ST6GALNAC5: variants seen among roughly 807,000 people sequenced by gnomAD.
The protein encoded by ST6GALNAC5 is ST6 N-acetylgalactosaminide alpha-2,6-sialyltransferase 5, also known as alpha-N-acetylgalactosaminide alpha-2,6-sialyltransferase 5.
A neutral mutation model predicts 33.6 loss-of-function variants in ST6GALNAC5; 27 were observed. The ratio of observed to expected loss-of-function variants is 0.80; its 90% confidence interval spans 0.59 to 1.11. ST6GALNAC5 has a LOEUF of 1.11. ST6GALNAC5 is among the 50% of genes least tolerant of loss of function. The pLI is 0.00. For synonymous variants in ST6GALNAC5, 194 were observed against 171.2 expected, an observed-to-expected ratio of 1.13 and a Z score of -1.04; for missense variants, 428 against 454.0, an observed-to-expected ratio of 0.94 and a Z score of 0.52.
intron 2 of ST6GALNAC5, among the ~76,000 whole-genome samples, chr1:76,891,138 CTT>C (rs1654004268): frequency 6.6e-6 from 1 of 152,160 alleles, no homozygotes; most frequent in African/African-American, 2.4e-5. Context: ...TAACCTGAGT[CTT>C]AGCCTTTTAA....
At chr1:76,891,696 G>A (rs536774426) in intron 2 of ST6GALNAC5, among the ~76,000 whole-genome samples, 119 of 152,184 alleles carry the variant, frequency 7.8e-4, no homozygotes, top group Non-Finnish European at 1.5e-3. Flanking sequence ...TTTCTTCTAA[G>A]AGTTTTGTAG....
At chr1:76,907,281 T>G (rs930087352) in intron 2 of ST6GALNAC5, among the ~76,000 whole-genome samples, 9 of 152,122 alleles carry the variant, frequency 5.9e-5, no homozygotes, top group African/African-American at 1.9e-4. Context: ...TTCTATATAC[T>G]CTGATCTTGA....
intron 2 of ST6GALNAC5, among the ~76,000 whole-genome samples, chr1:76,972,638 T>C (rs1648809500): frequency 6.6e-6 from 1 of 152,326 alleles, no homozygotes; most frequent in Non-Finnish European, 1.5e-5. Flanking sequence ...ACAAACATAA[T>C]ACAGATGTCA....
intron 2 of ST6GALNAC5, among the ~76,000 whole-genome samples, chr1:76,931,005 G>A (rs935412029): frequency 6.6e-6 from 1 of 152,100 alleles, no homozygotes; most frequent in African/African-American, 2.4e-5. Context: ...TGGCAAAGGG[G>A]ATGGAATATT....
chr1:76,917,156 C>T (rs1646984267), intron 2 of ST6GALNAC5, among the ~76,000 whole-genome samples: 1 of 152,098 alleles, frequency 6.6e-6, no homozygotes. Context: ...CTGCTTTGAA[C>T]CAAGTTTTTA....
chr1:76,994,022 T>G (rs1649834114), intron 2 of ST6GALNAC5, among the ~76,000 whole-genome samples: 1 of 152,214 alleles, frequency 6.6e-6, no homozygotes, highest in Non-Finnish European at 1.5e-5. Flanking sequence ...ACACACACTG[T>G]GAAATATCCA....
At chr1:77,009,395 T>C (rs1043958049) in intron 2 of ST6GALNAC5, among the ~76,000 whole-genome samples, 3 of 152,276 alleles carry the variant, frequency 2.0e-5, no homozygotes, top group African/African-American at 7.2e-5. Flanking sequence ...GTAAGTTGTA[T>C]AATTTCACTA....
At chr1:76,911,048 C>T (rs987124606) in intron 2 of ST6GALNAC5, among the ~76,000 whole-genome samples, 6 of 152,016 alleles carry the variant, frequency 3.9e-5, no homozygotes, top group Admixed American at 1.3e-4. Context: ...TGTTAGAAGA[C>T]AGAACATACA....
At chr1:76,960,269 G>A (rs2100348919) in intron 2 of ST6GALNAC5, among the ~76,000 whole-genome samples, 1 of 152,184 alleles carries the variant, frequency 6.6e-6, no homozygotes, top group East Asian at 1.9e-4. Context: ...ATGTCAGCAG[G>A]TTCCGTGATG....
intron 2 of ST6GALNAC5, among the ~76,000 whole-genome samples, chr1:77,030,859 AG>A (rs1651425650): frequency 6.6e-6 from 1 of 152,214 alleles, no homozygotes; most frequent in South Asian, 2.1e-4. Context: ...TTGAAGGAGC[AG>A]GGGGCCTCCA....
chr1:77,021,459 A>C (rs1570105904), intron 2 of ST6GALNAC5, among the ~76,000 whole-genome samples: 1 of 152,084 alleles, frequency 6.6e-6, no homozygotes, highest in African/African-American at 2.4e-5. Flanking sequence ...ACTTCATTAT[A>C]TTTTGTTGCC....
intron 2 of ST6GALNAC5, among the ~76,000 whole-genome samples, chr1:76,948,181 T>C (rs1031791205): frequency 6.6e-6 from 1 of 151,996 alleles, no homozygotes; most frequent in Admixed American, 6.6e-5. Flanking sequence ...AAGGGCCAGG[T>C]TTAGAAGTGC....
intron 2 of ST6GALNAC5, among the ~76,000 whole-genome samples, chr1:76,986,976 T>G (rs12092330): frequency 2.0e-5 from 3 of 151,990 alleles, no homozygotes; most frequent in African/African-American, 7.2e-5. Context: ...ATGAGATCAG[T>G]TGGACACAGG....
intron 2 of ST6GALNAC5, among the ~76,000 whole-genome samples, chr1:76,891,268 T>C (rs1185052450): frequency 6.6e-6 from 1 of 152,186 alleles, no homozygotes; most frequent in Non-Finnish European, 1.5e-5. Flanking sequence ...TTATCATCTC[T>C]CTTTTTAAAT....
chr1:76,935,945 C>T (rs1293471356), intron 2 of ST6GALNAC5, among the ~76,000 whole-genome samples: 2 of 151,980 alleles, frequency 1.3e-5, no homozygotes, highest in Admixed American at 6.6e-5. Flanking sequence ...AATATAACAT[C>T]TCAGGAATAC....
intron 2 of ST6GALNAC5, among the ~76,000 whole-genome samples, chr1:77,037,374 C>A (rs1380788092): frequency 1.3e-5 from 2 of 151,944 alleles, no homozygotes; most frequent in Non-Finnish European, 2.9e-5. Flanking sequence ...ATACAGATGG[C>A]AAAATAGACA....
intron 2 of ST6GALNAC5, among the ~76,000 whole-genome samples, chr1:76,921,337 G>T (rs181162331): frequency 2.0e-4 from 31 of 152,152 alleles, no homozygotes; most frequent in African/African-American, 7.5e-4. Context: ...TCCCCTCTTG[G>T]GGACTGATCT....
chr1:77,024,782 A>C (rs1362410903), intron 2 of ST6GALNAC5, among the ~76,000 whole-genome samples: 1 of 152,218 alleles, frequency 6.6e-6, no homozygotes, highest in Non-Finnish European at 1.5e-5. Context: ...ATGGCTATTC[A>C]GTAGTCCACA....
intron 2 of ST6GALNAC5, among the ~76,000 whole-genome samples, chr1:77,024,458 T>C (rs1651160514): frequency 6.6e-6 from 1 of 152,164 alleles, no homozygotes. Context: ...CAGGAACTTA[T>C]AAGATGCGTG....
Sources: allele counts gnomAD v4.1 joint callset (sites outside exome capture counted in the v4.1 genomes callset), GRCh38; gene constraint gnomAD v4.1.1; transcripts MANE v1.5; gene names NCBI Gene and HGNC (gene_info 2026-07-23, HGNC 2026-07-21).